Variants in PCDHGB6 observed in about 807,000 individuals in gnomAD.
PCDHGB6 encodes the protein protocadherin gamma subfamily B, 6.
PCDHGB6 carries 51 observed loss-of-function variants against 59.1 expected under a neutral mutation model. The observed-to-expected ratio is 0.86, with a 90% CI of 0.69 to 1.09. The LOEUF (loss-of-function observed/expected upper bound fraction) is 1.09, where lower values mean the gene tolerates loss of function less well. Among genes scored for constraint, PCDHGB6 ranks in the 50% least tolerant of loss-of-function variants. PCDHGB6 has a pLI of 0.00. For synonymous variants in PCDHGB6, 466 were observed against 495.1 expected (o/e 0.94, Z 0.78); for missense variants, 1,148 against 1,205.1 (o/e 0.95, Z 0.70).
chr5:141,426,848 C>T (rs1379697529), intron 1 of PCDHGB6: 3 of 456,552 alleles, frequency 6.6e-6, no homozygotes, highest in Admixed American at 4.7e-5. Context: ...AAGGCAAGAA[C>T]GCTCCAGAAT....
intron 1 of PCDHGB6, among the ~76,000 whole-genome samples, chr5:141,448,117 A>G (rs564444141): frequency 6.6e-6 from 1 of 152,094 alleles, no homozygotes; most frequent in Non-Finnish European, 1.5e-5. Flanking sequence ...AAAGAAAATT[A>G]GCCTCCCCCA....
rs547854431 is a variant in PCDHGB6, at chr5:141,476,383, C to A, written c.2419-18424C>A. 1.2e-6 allele frequency: 2 copies of A among 1,614,102 alleles called. No homozygotes were observed. Among genetic ancestry groups the A allele is most frequent in the African/African-American group, 1.3e-5 (1 of 75,014 alleles). On this transcript the variant is annotated intron_variant, in intron 1 of 3. Transcript: ENST00000520790. The surrounding 1 kb of genome is among the most constrained non-coding windows in gnomAD (Gnocchi z 7.6). ...GGGAGACCGGAGAGATGTTTGTGAA[C>A]GACCGTCTGGATCGAGAGGAGCTGT...
intron 1 of PCDHGB6, chr5:141,441,037 A>G (rs1318122240): frequency 6.6e-6 from 1 of 152,194 alleles, no homozygotes; most frequent in Admixed American, 6.5e-5. Context: ...GAAAACTTTA[A>G]GTACATTGGA....
In PCDHGB6 at chr5:141,486,805, C is replaced by A; in HGVS notation, c.2419-8002C>A. On this transcript the variant is annotated intron_variant, in intron 1 of 3. Transcript: ENST00000520790. The surrounding 1 kb of genome is among the most constrained non-coding windows in gnomAD (Gnocchi z 5.0). ...AGGCCCGGGATCGGGGCAACCCACC[C>A]CTTAGCAGCACTGTAACAGTTCGTC... 1.2e-6 allele frequency: 2 copies of A among 1,614,242 alleles called. No homozygotes were observed. Among genetic ancestry groups the A allele is most frequent in the Admixed American group, 1.7e-5 (1 of 60,034 alleles).
At chr5:141,469,142 G>A (rs1473440049) in intron 1 of PCDHGB6, among the ~76,000 whole-genome samples, 3 of 152,024 alleles carry the variant, frequency 2.0e-5, no homozygotes, top group East Asian at 1.9e-4. Flanking sequence ...CAGAAATGGT[G>A]GCACATGTCT....
At chr5:141,469,833 TTA>T (rs1343669772) in intron 1 of PCDHGB6, among the ~76,000 whole-genome samples, 2 of 152,054 alleles carry the variant, frequency 1.3e-5, no homozygotes, top group Non-Finnish European at 2.9e-5. Flanking sequence ...CACATAAAAC[TTA>T]TTCTTAAGAT....
At chr5:141,473,907 C>A (rs552055360) in intron 1 of PCDHGB6, among the ~76,000 whole-genome samples, 1 of 152,102 alleles carries the variant, frequency 6.6e-6, no homozygotes. Flanking sequence ...ATGAAGAGGT[C>A]TTAAGAAAAC....
intron 1 of PCDHGB6, among the ~76,000 whole-genome samples, chr5:141,458,298 A>G (rs2098942125): frequency 6.6e-6 from 1 of 152,178 alleles, no homozygotes; most frequent in African/African-American, 2.4e-5. Context: ...ATGCTGGTTT[A>G]GATAAAATGA....
rs1239481973 is a variant in PCDHGB6 at position 141,491,585 on chromosome 5, C to G, written c.2419-3222C>G. On this transcript the variant is annotated intron_variant, in intron 1 of 3. Coordinates refer to ENST00000520790, the MANE Select transcript of PCDHGB6 (RefSeq NM_018926.3). The surrounding 1 kb of genome is among the most constrained non-coding windows in gnomAD (Gnocchi z 6.9). ...TACAGGACGTGCTTTTCACCGGCCT[C>G]GGACGGCAGTGACTTCACTTTTCTA... 6.2e-7 allele frequency: 1 copy of G among 1,613,964 alleles called. No individual in the cohort carries two copies.
chr5:141,430,580 G>A, intron 1 of PCDHGB6: 1 of 478,526 alleles, frequency 2.1e-6, no homozygotes, highest in Admixed American at 3.8e-5. Context: ...CGGAGATCCT[G>A]CTCGCCTTGC....
In PCDHGB6 at chr5:141,490,455, G is replaced by A. The variant is rs746957706; in HGVS notation, c.2419-4352G>A. The A allele has an allele frequency of 9.3e-6, 15 of 1,614,010 alleles. No individual in the cohort carries two copies. The highest frequency in any genetic ancestry group is 2.2e-5 in the South Asian group (2 of 91,084). ...TTAAGCCTTCTGAGAACCACTACTC[G>A]CTGCTAACCAGCCAGCCTTTGGACC... On this transcript the variant is annotated intron_variant, in intron 1 of 3. Coordinates refer to ENST00000520790, the MANE Select transcript of PCDHGB6 (RefSeq NM_018926.3). The surrounding 1 kb of genome is among the most constrained non-coding windows in gnomAD (Gnocchi z 5.4).
Position 141,420,177 on chromosome 5 carries a change from A to G in PCDHGB6, c.2418+9557A>G, listed in dbSNP as rs1188698450. The G allele has an allele frequency of 2.5e-6, 4 of 1,613,992 alleles. No homozygotes were observed. Among genetic ancestry groups the G allele is most frequent in the South Asian group, 2.2e-5 (2 of 91,086 alleles). ...TTTAATTTTTTCACATCTGTTGATC[A>G]TTGTCCAGCCACACAAGATAACCTC... On this transcript the variant is annotated intron_variant, in intron 1 of 3. Coordinates refer to ENST00000520790, the MANE Select transcript of PCDHGB6 (RefSeq NM_018926.3).
rs1432039651 is a variant in PCDHGB6, at chr5:141,410,578, T to A, written c.2376T>A (p.His792Gln). ...CTCCTGGAGCCTTAATTCCACCTCATGGTGGGGAGGATTTGACTTCACATC... is the reference window on the plus strand; with the variant it reads ...CTCCTGGAGCCTTAATTCCACCTCAAGGTGGGGAGGATTTGACTTCACATC... The part of the protein sequence containing the change: ...SVSPGALIPP[H>Q]GGEDLTSHPE... Residue 792 changes from histidine (H) to glutamine (Q), a missense_variant, in exon 1 of 4, where the codon CAT (histidine) becomes CAA (glutamine). By Grantham distance (24) the His-to-Gln change is conservative. This residue lies in a region of PCDHGB6 where 283 missense variants were observed against 318.6 expected (regional missense o/e 0.89). Coordinates refer to ENST00000520790, the MANE Select transcript of PCDHGB6 (RefSeq NM_018926.3). 6.2e-7 allele frequency: 1 copy of A among 1,610,984 alleles called. No individual in the cohort carries two copies. The highest frequency in any genetic ancestry group is 1.3e-5 in the African/African-American group (1 of 75,044).
intron 1 of PCDHGB6, chr5:141,427,043 G>A: frequency 2.2e-6 from 1 of 457,348 alleles, no homozygotes; most frequent in Non-Finnish European, 4.4e-6. Context: ...GAGAGAATGT[G>A]CCCCCAGGCA....
At chr5:141,415,475 C>T in intron 1 of PCDHGB6, 1 of 1,614,162 alleles carries the variant, frequency 6.2e-7, no homozygotes, top group Non-Finnish European at 8.5e-7. Flanking sequence ...ACCGCGGACT[C>T]GCGAAAGAGT....
chr5:141,496,802 A>G (rs1483438160), intron 2 of PCDHGB6, among the ~76,000 whole-genome samples: 1 of 152,050 alleles, frequency 6.6e-6, no homozygotes, highest in Admixed American at 6.6e-5. Flanking sequence ...ACATTGGGCT[A>G]TAGGAGTGAA....
Position 141,490,241 on chromosome 5 carries a change from G to T in PCDHGB6, c.2419-4566G>T. 2 of 1,614,246 alleles carry T rather than the reference G, an allele frequency of 1.2e-6. No individual in the cohort carries two copies. Among genetic ancestry groups the T allele is most frequent in the Non-Finnish European group, 1.7e-6 (2 of 1,180,048 alleles). On this transcript the variant is annotated intron_variant, in intron 1 of 3. Transcript: ENST00000520790. This position sits in a 1 kb window ranked among gnomAD's most constrained non-coding sequence, Gnocchi z 5.4. Reference sequence around the variant, plus strand: ...GGACAGCCTGCCATGGAGGGCCACTGTGTGATTCAAGTGGATGTGGGGGAT... The same window carrying T: ...GGACAGCCTGCCATGGAGGGCCACTTTGTGATTCAAGTGGATGTGGGGGAT...
chr5:141,496,589 G>A (rs914585858), intron 2 of PCDHGB6, among the ~76,000 whole-genome samples: 7 of 152,124 alleles, frequency 4.6e-5, no homozygotes, highest in Admixed American at 6.5e-5. Flanking sequence ...AACGCAAAGC[G>A]CTTCTTAGAA....
rs1457099502 is a variant in PCDHGB6 at position 141,477,430 on chromosome 5, A to G, written c.2419-17377A>G. The G allele has an allele frequency of 1.2e-6, 2 of 1,614,162 alleles. No individual in the cohort carries two copies. The highest frequency in any genetic ancestry group is 1.7e-6 in the Non-Finnish European group (2 of 1,180,020). Reference sequence around the variant, plus strand: ...GAGACGCCGGAACCCCTTCCCTCTCAGCCCTTACAATAGTGCGTGTTCAAG... The same window carrying G: ...GAGACGCCGGAACCCCTTCCCTCTCGGCCCTTACAATAGTGCGTGTTCAAG... On this transcript the variant is annotated intron_variant, in intron 1 of 3. Transcript: ENST00000520790. This position sits in a 1 kb window ranked among gnomAD's most constrained non-coding sequence, Gnocchi z 4.9.
Sources: gnomAD v4.1 joint callset for allele counts (sites outside exome capture counted in the v4.1 genomes callset) on GRCh38, gnomAD v4.1.1 for gene constraint, gnomAD v4.1.1 regional missense constraint, Gnocchi (gnomAD v3.1) non-coding constraint, MANE v1.5 for transcripts, NCBI Gene and HGNC (gene_info 2026-07-23, HGNC 2026-07-21) for gene names.